GCNT4: variants seen among roughly 807,000 people sequenced by gnomAD.
GCNT4 encodes the protein glucosaminyl (N-acetyl) transferase 4.
Under a neutral mutation model 31.3 loss-of-function variants are expected in GCNT4, and 17 were observed. The ratio of observed to expected loss-of-function variants is 0.54; its 90% CI spans 0.37 to 0.81. GCNT4 has a LOEUF of 0.81. GCNT4 is among the 40% of genes least tolerant of loss of function. The probability of loss-of-function intolerance (pLI) is 0.00; values close to 1 mark genes in which losing one functional copy is unlikely to be tolerated. For missense variants in GCNT4, 503 were observed against 525.5 expected, an observed-to-expected ratio of 0.96 and a Z score of 0.42; for synonymous variants, 158 against 190.6, an observed-to-expected ratio of 0.83 and a Z score of 1.41.
the GCNT4 span, among the ~76,000 whole-genome samples, chr5:75,019,085 T>A: frequency 6.6e-6 from 1 of 152,194 alleles, no homozygotes; most frequent in Non-Finnish European, 1.5e-5. Context: ...AATTCGTATG[T>A]TGAAATCCTA....
chr5:75,020,341 C>T, the GCNT4 span, among the ~76,000 whole-genome samples: 1 of 152,190 alleles, frequency 6.6e-6, no homozygotes, highest in Non-Finnish European at 1.5e-5. Flanking sequence ...CTGGGGACCC[C>T]TGTAAGGGAG....
intron 1 of GCNT4, 71 bp downstream of exon 1, chr5:75,052,358 G>A (rs926715300): frequency 1.3e-5 from 2 of 152,054 alleles, no homozygotes; most frequent in African/African-American, 4.8e-5. Flanking sequence ...CAGACTACGT[G>A]ACTCGGAAAA....
chr5:75,040,801 A>G (rs1433722237), intron 3 of GCNT4, among the ~76,000 whole-genome samples: 2 of 152,130 alleles, frequency 1.3e-5, no homozygotes, highest in African/African-American at 4.8e-5. Flanking sequence ...TGACATTCTA[A>G]TCATTATTGG....
At chr5:75,041,393 C>T (rs1398214590) in intron 3 of GCNT4, among the ~76,000 whole-genome samples, 1 of 152,246 alleles carries the variant, frequency 6.6e-6, no homozygotes, top group Non-Finnish European at 1.5e-5. Context: ...TGACAGCTTT[C>T]TCTCTAGGCC....
At position 75,026,667 on chromosome 5, in the gene GCNT4, A is replaced by C. The variant is rs919495045; in HGVS notation, c.*2009T>G. ...TCTCACAAAAAAAAAAAAAAAAAAA[A>C]AAAAACACTTGTGTGGAAGCAAGGA... On this transcript the variant is annotated 3_prime_UTR_variant, in exon 4 of 4. Coordinates refer to ENST00000652361, the MANE Select transcript of GCNT4 (RefSeq NM_001366737.1). 6.7e-5 allele frequency: 10 copies of C among 150,362 alleles called. No homozygotes were observed. Among genetic ancestry groups the C allele is most frequent in the African/African-American group, 2.5e-4 (10 of 40,264 alleles). The allele number at this position is 150,362 out of a possible 1,614,324, so 9.3% of individuals were successfully genotyped here.
chr5:75,036,460 T>C (rs2149962390), intron 3 of GCNT4, among the ~76,000 whole-genome samples: 1 of 152,366 alleles, frequency 6.6e-6, no homozygotes, highest in East Asian at 1.9e-4. Flanking sequence ...GCTCCAGACT[T>C]GCACTTTTAA....
Position 75,045,890 on chromosome 5 carries a change from A to C in GCNT4, c.-2+2007T>G, listed in dbSNP as rs115915708. Among the ~76,000 whole-genome samples the C allele has an allele frequency of 9.8e-3, 1,494 of 152,334 alleles. 5 individuals carry two copies. Among genetic ancestry groups the C allele is most frequent in the Middle Eastern group, 0.017 (5 of 294 alleles). On this transcript the variant is annotated intron_variant, in intron 3 of 3. Coordinates refer to ENST00000652361, the MANE Select transcript of GCNT4 (RefSeq NM_001366737.1). ...CACATTTGAATTTCTTTTCTATAGA[A>C]ATTTTCCAGAAAAGACAGGTCACTA...
chr5:75,019,028 C>T, the GCNT4 span, among the ~76,000 whole-genome samples: 6 of 152,154 alleles, frequency 3.9e-5, no homozygotes, highest in Non-Finnish European at 8.8e-5. Context: ...TACAAGATCT[C>T]AGTACTTTGT....
rs756247884 is a variant in GCNT4, at chr5:75,029,172, T to C, written c.866A>G (p.Lys289Arg). The C allele has an allele frequency of 4.6e-5, 74 of 1,613,846 alleles. No homozygotes were observed. The highest frequency in any genetic ancestry group is 6.0e-5 in the Non-Finnish European group (71 of 1,180,030). The change falls in exon 4 of 4, where the codon AAG (lysine) becomes AGG (arginine). Residue 289 changes from lysine to arginine, a missense_variant. Coordinates refer to ENST00000652361, the MANE Select transcript of GCNT4 (RefSeq NM_001366737.1). ...CTGAATGTTATGGGGGGGTGCTTCC[T>C]TGGAGATGTTTGTCCTTATTGGTAG... ...VKLPIRTNISKEAPPHNIQIF... is the reference protein window; with the variant it reads ...VKLPIRTNISREAPPHNIQIF...
intron 3 of GCNT4, among the ~76,000 whole-genome samples, chr5:75,041,308 T>C (rs527913044): frequency 6.6e-6 from 1 of 152,232 alleles, no homozygotes; most frequent in Non-Finnish European, 1.5e-5. Context: ...TCAGTGAGAC[T>C]GGCTCAGCTC....
At chr5:75,020,185 G>A in the GCNT4 span, among the ~76,000 whole-genome samples, 1 of 152,330 alleles carries the variant, frequency 6.6e-6, no homozygotes, top group South Asian at 2.1e-4. Flanking sequence ...ACCTGTTTGT[G>A]TAAGTTCATA....
the GCNT4 span, among the ~76,000 whole-genome samples, chr5:75,019,546 C>G: frequency 6.6e-6 from 1 of 152,330 alleles, no homozygotes; most frequent in Non-Finnish European, 1.5e-5. Flanking sequence ...AATCTCAGCT[C>G]TGACAGTTAT....
At chr5:75,033,487 C>A (rs1743121621) in intron 3 of GCNT4, among the ~76,000 whole-genome samples, 1 of 152,114 alleles carries the variant, frequency 6.6e-6, no homozygotes, top group African/African-American at 2.4e-5. Context: ...ACAGCCCAGG[C>A]ACCTCGCTTT....
At chr5:75,025,110 A>G (rs1742927621), downstream of GCNT4, among the ~76,000 whole-genome samples, 1 of 152,216 alleles carries the variant, frequency 6.6e-6, no homozygotes, top group African/African-American at 2.4e-5. Context: ...TTACAGGAGA[A>G]ACCAACCTGA....
chr5:75,022,672 A>C (rs1037424994), downstream of GCNT4, among the ~76,000 whole-genome samples: 5 of 152,178 alleles, frequency 3.3e-5, no homozygotes, highest in East Asian at 1.9e-4. Context: ...CTAGACAAAC[A>C]TTGTGTAAGT....
chr5:75,044,361 T>C lies in GCNT4; in HGVS notation c.-2+3536A>G, dbSNP rs75094012. ...CCCCCTCCATGTTACCTTCCTGCTT[T>C]ACTTCTGTGTACATCATACAGGTTT... On this transcript the variant is annotated intron_variant, in intron 3 of 3. Coordinates refer to ENST00000652361, the MANE Select transcript of GCNT4 (RefSeq NM_001366737.1). Among the ~76,000 whole-genome samples the C allele has an allele frequency of 8.1e-3, 1,228 of 151,784 alleles. 13 individuals carry two copies. The highest frequency in any genetic ancestry group is 0.028 in the African/African-American group (1,178 of 41,338).
rs1742973157 is a variant in GCNT4, at chr5:75,027,431, AT to A, written c.*1244del. On this transcript the variant is annotated 3_prime_UTR_variant, in exon 4 of 4. Transcript: ENST00000652361. ...TAACATAAATATATATTACATATAT[AT>A]AAAATATATATTATATATATATATT... 7.0e-6 allele frequency: 1 copy of A among 142,314 alleles called. No homozygotes were observed. Among genetic ancestry groups the A allele is most frequent in the Admixed American group, 7.2e-5 (1 of 13,798 alleles). 8.8% of individuals were successfully genotyped at this position (142,314 alleles called of 1,614,324 possible). A position where few individuals can be genotyped will look rare whatever the true frequency, so the allele number is the denominator to read the frequency against.
In GCNT4 at chr5:75,029,743, C is replaced by G. The variant is rs552274482; in HGVS notation, c.295G>C (p.Glu99Gln). The G allele has an allele frequency of 6.2e-7, 1 of 1,614,106 alleles. No homozygotes were observed. Among genetic ancestry groups the G allele is most frequent in the East Asian group, 2.2e-5 (1 of 44,872 alleles). Residue 99 changes from glutamate to glutamine, a missense_variant, in exon 4 of 4, where the codon GAG becomes CAG. Physicochemically the swap from Glu to Gln is conservative, Grantham distance 29. Coordinates refer to ENST00000652361, the MANE Select transcript of GCNT4 (RefSeq NM_001366737.1). The stretch of plus-strand genomic sequence containing the variant: ...GTCATTGCCACAACATCATCATCCT[C>G]CAAGTCAATGATGTCCCTTCTTCTT... ...EIRRRDIIDL[E>Q]DDDVVAMTSD...
At chr5:75,035,062 C>T (rs1743165078) in intron 3 of GCNT4, among the ~76,000 whole-genome samples, 1 of 107,162 alleles carries the variant, frequency 9.3e-6, no homozygotes. Flanking sequence ...CGGACACGAC[C>T]GCATTCAGGG....
Sources: gnomAD v4.1 joint callset for allele counts (sites outside exome capture counted in the v4.1 genomes callset) on GRCh38, gnomAD v4.1.1 for gene constraint, MANE v1.5 for transcripts, NCBI Gene and HGNC (gene_info 2026-07-23, HGNC 2026-07-21) for gene names.